Variants in PARP8 observed in about 807,000 individuals in gnomAD.
PARP8 encodes the protein protein mono-ADP-ribosyltransferase PARP8.
A neutral mutation model predicts 124.1 loss-of-function variants in PARP8; 51 were observed. The ratio of observed to expected loss-of-function variants is 0.41; its 90% confidence interval spans 0.33 to 0.52. The LOEUF (loss-of-function observed/expected upper bound fraction) is 0.52, where lower values mean the gene tolerates loss of function less well. Among genes scored for constraint, PARP8 ranks in the 20% least tolerant of loss-of-function variants. The probability of loss-of-function intolerance (pLI) is 0.21; values close to 1 mark genes in which losing one functional copy is unlikely to be tolerated. For missense variants in PARP8, 860 were observed against 1,018.9 expected, an observed-to-expected ratio of 0.84 and a Z score of 2.12; for synonymous variants, 391 against 361.5, an observed-to-expected ratio of 1.08 and a Z score of -0.93.
chr5:50,781,034 A>T (rs1453636206), intron 9 of PARP8, among the ~76,000 whole-genome samples: 1 of 152,016 alleles, frequency 6.6e-6, no homozygotes, highest in African/African-American at 2.4e-5. Context: ...ATTATTTATT[A>T]TTCCTTCTTT....
At chr5:50,716,513 A>G (rs1314070436) in intron 2 of PARP8, among the ~76,000 whole-genome samples, 2 of 152,118 alleles carry the variant, frequency 1.3e-5, no homozygotes, top group African/African-American at 4.8e-5. Flanking sequence ...GGATTTCTTT[A>G]TCATGCTGGC....
rs1742423691 is a variant in PARP8 at position 50,795,374 on chromosome 5, T to C, written c.1385T>C (p.Ile462Thr). 2.5e-6 allele frequency: 4 copies of C among 1,612,586 alleles called. No individual in the cohort carries two copies. Among genetic ancestry groups the C allele is most frequent in the Non-Finnish European group, 2.5e-6 (3 of 1,179,414 alleles). ...AGGCTCTCTCTTACCTCAGGGCTTA[T>C]TGGTATCCTAACACCATCTTCATCT... ...GRRLSLTSGL[I>T]GILTPSSSSS... The change falls in exon 12 of 26, where the codon ATT becomes ACT. Residue 462 changes from isoleucine (I) to threonine (T), a missense_variant. Ile to Thr is a moderately conservative substitution (Grantham distance 89). This residue lies in a region of PARP8 where 517 missense variants were observed against 544.2 expected (regional missense o/e 0.95). Coordinates refer to ENST00000281631, the MANE Select transcript of PARP8 (RefSeq NM_024615.4).
intron 2 of PARP8, among the ~76,000 whole-genome samples, chr5:50,733,191 C>A (rs1247852866): frequency 2.0e-5 from 3 of 151,594 alleles, no homozygotes; most frequent in Non-Finnish European, 4.4e-5. Context: ...ATAATCCCAG[C>A]TACTCAGCAG....
chr5:50,828,745 A>T (rs1354813686), intron 21 of PARP8, among the ~76,000 whole-genome samples: 1 of 150,774 alleles, frequency 6.6e-6, no homozygotes, highest in Non-Finnish European at 1.5e-5. Context: ...ATATATATAT[A>T]TATTTATCCA....
intron 14 of PARP8, among the ~76,000 whole-genome samples, chr5:50,806,599 TACC>T (rs1401579504): frequency 7.9e-5 from 12 of 152,034 alleles, no homozygotes; most frequent in Admixed American, 7.9e-4. Flanking sequence ...TGCAGACTGA[TACC>T]TAAGGAAATC....
intron 2 of PARP8, among the ~76,000 whole-genome samples, chr5:50,727,082 A>G (rs1399765149): frequency 2.6e-5 from 4 of 152,130 alleles, no homozygotes; most frequent in African/African-American, 7.2e-5. Context: ...AACACAGGCA[A>G]TTCCTTTGTA....
intron 11 of PARP8, 106 bp from the exon 12 acceptor site, chr5:50,794,747 G>T (rs1395230997): frequency 2.0e-6 from 2 of 990,036 alleles, no homozygotes; most frequent in African/African-American, 3.3e-5. Flanking sequence ...TTAAAATGAG[G>T]TGGTAGAATA....
At chr5:50,797,388 T>G (rs1742678398) in intron 14 of PARP8, among the ~76,000 whole-genome samples, 155 bp downstream of exon 14, 1 of 152,244 alleles carries the variant, frequency 6.6e-6, no homozygotes, top group Non-Finnish European at 1.5e-5. Flanking sequence ...TAGTATTACT[T>G]CTAAAGTAGC....
intron 14 of PARP8, among the ~76,000 whole-genome samples, chr5:50,814,858 C>T (rs1209526522): frequency 6.6e-6 from 1 of 152,146 alleles, no homozygotes; most frequent in African/African-American, 2.4e-5. Context: ...AAAGTAATTG[C>T]AGAGTGTATA....
intron 2 of PARP8, among the ~76,000 whole-genome samples, chr5:50,736,883 T>C (rs1179321427): frequency 1.3e-5 from 2 of 152,160 alleles, no homozygotes; most frequent in East Asian, 3.8e-4. Context: ...TGTAGGCTTC[T>C]TGGAGTTTGC....
At chr5:50,728,077 T>C (rs555268087) in intron 2 of PARP8, among the ~76,000 whole-genome samples, 3 of 152,166 alleles carry the variant, frequency 2.0e-5, no homozygotes, top group Non-Finnish European at 4.4e-5. Context: ...AGAGTTAATT[T>C]TTGAATTCAA....
chr5:50,750,170 G>A lies in PARP8; in HGVS notation c.166G>A (p.Val56Ile), dbSNP rs1165043640. Residue 56 changes from valine to isoleucine, a missense_variant, in exon 3 of 26, where the codon GTA becomes ATA. By Grantham distance (29) the Val-to-Ile change is conservative. Around this residue, in one of 2 missense-constraint regions of PARP8, gnomAD observed 517 missense variants for 544.2 expected, o/e 0.95. Coordinates refer to ENST00000281631, the MANE Select transcript of PARP8 (RefSeq NM_024615.4). ...TAACAGTGTATCCTACTCAGTACAT[G>A]TATCTGAAGATTACCCAGGTATGCT... is the stretch of plus-strand genomic sequence containing the variant. ...GPRSVSYSVH[V>I]SEDYPDNTYV... 1 of 1,586,862 alleles carries A rather than the reference G, an allele frequency of 6.3e-7. No individual in the cohort carries two copies. The highest frequency in any genetic ancestry group is 1.1e-5 in the South Asian group (1 of 90,586).
chr5:50,761,774 TA>T, intron 5 of PARP8, 46 bp from the exon 6 acceptor site: 2 of 1,256,678 alleles, frequency 1.6e-6, no homozygotes, highest in Non-Finnish European at 2.3e-6. Context: ...TTTAGAAAGG[TA>T]AAATAATTTG....
At chr5:50,749,448 G>A (rs1229026916) in intron 2 of PARP8, among the ~76,000 whole-genome samples, 2 of 150,628 alleles carry the variant, frequency 1.3e-5, no homozygotes, top group African/African-American at 2.4e-5. Context: ...AGTTGACAGA[G>A]ATAAAAAATG....
At chr5:50,830,050 C>A in intron 22 of PARP8, 89 bp downstream of exon 22, 1 of 1,321,090 alleles carries the variant, frequency 7.6e-7, no homozygotes, top group Non-Finnish European at 9.8e-7. Context: ...TCTATTGTGC[C>A]TTATTAGATA....
intron 9 of PARP8, among the ~76,000 whole-genome samples, chr5:50,788,021 T>G (rs1741467944): frequency 6.7e-6 from 1 of 149,628 alleles, no homozygotes; most frequent in Non-Finnish European, 1.5e-5. Context: ...TGCCTTCTCA[T>G]CTCCCATTGT....
At chr5:50,794,064 C>A in intron 10 of PARP8, 143 bp from the exon 11 acceptor site, 2 of 852,990 alleles carry the variant, frequency 2.3e-6, no homozygotes, top group Non-Finnish European at 3.3e-6. Flanking sequence ...TATGAAAAAT[C>A]TTGTATGATT....
At chr5:50,669,561 AT>A (rs1749761350) in intron 2 of PARP8, 1 of 152,176 alleles carries the variant, frequency 6.6e-6, no homozygotes, top group African/African-American at 2.4e-5. Flanking sequence ...CAGTTTACTT[AT>A]CTGTACAATC....
intron 2 of PARP8, among the ~76,000 whole-genome samples, chr5:50,709,922 GTATA>G (rs200521595): frequency 0.08 from 7,462 of 93,778 alleles, 307 homozygotes; most frequent in African/African-American, 0.12. Flanking sequence ...TAGAAAGAGT[GTATA>G]TATATATATA....
Sources: allele counts gnomAD v4.1 joint callset (sites outside exome capture counted in the v4.1 genomes callset), GRCh38; gene constraint gnomAD v4.1.1; regional missense constraint gnomAD v4.1.1; transcripts MANE v1.5; gene names NCBI Gene and HGNC (gene_info 2026-07-23, HGNC 2026-07-21).